ZNF280D: variants seen among roughly 807,000 people sequenced by gnomAD.
ZNF280D encodes the protein suppressor of hairy wing homolog 4.
ZNF280D carries 39 observed loss-of-function variants against 94.7 expected under a neutral mutation model. The observed-to-expected ratio is 0.41, with a 90% CI of 0.32 to 0.54. ZNF280D has a LOEUF of 0.54. ZNF280D is among the 20% of genes least tolerant of loss of function. The pLI is 0.22. For missense variants in ZNF280D, 1,090 were observed against 1,149.3 expected (o/e 0.95, Z 0.75); for synonymous variants, 398 against 377.6 (o/e 1.05, Z -0.63).
intron 9 of ZNF280D, among the ~76,000 whole-genome samples, chr15:56,686,510 A>G (rs1408358714): frequency 6.6e-6 from 1 of 152,204 alleles, no homozygotes; most frequent in African/African-American, 2.4e-5. Flanking sequence ...ACAAAATTGC[A>G]ATATATGAAA....
intron 6 of ZNF280D, 68 bp from the exon 7 acceptor site, chr15:56,693,283 A>G (rs1169174582): frequency 1.6e-5 from 7 of 443,786 alleles, no homozygotes; most frequent in Non-Finnish European, 2.1e-5. Flanking sequence ...ATATAATTAT[A>G]TATTATGTAA....
intron 13 of ZNF280D, among the ~76,000 whole-genome samples, chr15:56,673,131 G>A (rs1386508136): frequency 6.6e-6 from 1 of 151,970 alleles, no homozygotes; most frequent in Non-Finnish European, 1.5e-5. Context: ...CACTCAGTAG[G>A]TTACATCATC....
chr15:56,710,403 G>C lies in ZNF280D; in HGVS notation c.-85-3097C>G, dbSNP rs933134172. Among the ~76,000 whole-genome samples, 56 of 151,178 alleles carry C rather than the reference G, an allele frequency of 3.7e-4. 1 individual carries two copies. The highest frequency in any genetic ancestry group is 3.5e-3 in the Admixed American group (53 of 15,138). Reference sequence around the variant, plus strand: ...AGCCTGGGCAAGAGAGCAAGACTCTGTCTCTCGAAAAAATAAAATAAAATA... The same window carrying C: ...AGCCTGGGCAAGAGAGCAAGACTCTCTCTCTCGAAAAAATAAAATAAAATA... On this transcript the variant is annotated intron_variant, in intron 1 of 21. Coordinates refer to ENST00000267807, the MANE Select transcript of ZNF280D (RefSeq NM_017661.4).
At chr15:56,697,376 G>A (rs568772526) in intron 6 of ZNF280D, among the ~76,000 whole-genome samples, 12 of 152,230 alleles carry the variant, frequency 7.9e-5, no homozygotes, top group African/African-American at 2.9e-4. Flanking sequence ...GTAGAGACAG[G>A]GTTTTGCCCT....
At position 56,709,624 on chromosome 15, in the gene ZNF280D, G is replaced by A. The variant is rs200269951; in HGVS notation, c.-85-2318C>T. On this transcript the variant is annotated intron_variant, in intron 1 of 21. Transcript: ENST00000267807. ...GGAACCAACCCAAATGTCCATCAAC[G>A]ATAGATTGGATTAAGAAAATGTGGC... Among the ~76,000 whole-genome samples, 47 of 152,228 alleles carry A rather than the reference G, an allele frequency of 3.1e-4. No individual in the cohort carries two copies. The East Asian group carries it at 3.1e-3, about 10-fold the overall frequency.
At chr15:56,689,171 T>G in intron 8 of ZNF280D, 21 bp from the exon 9 acceptor site, 5 of 1,591,098 alleles carry the variant, frequency 3.1e-6, no homozygotes, top group Non-Finnish European at 4.3e-6. Context: ...TTCAGAACAT[T>G]TATGACTCAA....
At chr15:56,673,486 C>G (rs2055000835) in intron 13 of ZNF280D, among the ~76,000 whole-genome samples, 1 of 152,042 alleles carries the variant, frequency 6.6e-6, no homozygotes, top group African/African-American at 2.4e-5. Context: ...CATACTGGCC[C>G]AAGCCACTTA....
intron 20 of ZNF280D, among the ~76,000 whole-genome samples, chr15:56,637,428 G>C (rs2052406678): frequency 2.0e-5 from 3 of 151,840 alleles, no homozygotes; most frequent in East Asian, 3.9e-4. Context: ...GGATCCTCCT[G>C]CATTAGCTTC....
intron 13 of ZNF280D, among the ~76,000 whole-genome samples, chr15:56,676,429 C>G (rs144785303): frequency 0.036 from 5,542 of 152,164 alleles, 347 homozygotes; most frequent in Admixed American, 0.16. Context: ...TGTCAATCCT[C>G]AGCTTCCTAT....
chr15:56,716,168 G>C (rs1293378281), intron 1 of ZNF280D, among the ~76,000 whole-genome samples: 1 of 151,946 alleles, frequency 6.6e-6, no homozygotes, highest in East Asian at 1.9e-4. Flanking sequence ...GTGTCGGGTA[G>C]GAATACAATA....
At chr15:56,686,859 T>C (rs2056056097) in intron 9 of ZNF280D, among the ~76,000 whole-genome samples, 1 of 152,136 alleles carries the variant, frequency 6.6e-6, no homozygotes, top group African/African-American at 2.4e-5. Context: ...TTTCTAAGGA[T>C]TAATGAAATA....
chr15:56,669,900 ATAATATATATATAT>A lies in ZNF280D; in HGVS notation c.1411-957_1411-944del, dbSNP rs2054615749. 9.3e-4 allele frequency among the ~76,000 whole-genome samples: 7 copies of A among 7,508 alleles called. No homozygotes were observed. In the Admixed American group the frequency reaches 9.9e-3, roughly 11 times the overall value. The allele number at this position is 7,508 out of a possible 152,430, so 4.9% of individuals were successfully genotyped here. On this transcript the variant is annotated intron_variant, in intron 13 of 21. Coordinates refer to ENST00000267807, the MANE Select transcript of ZNF280D (RefSeq NM_017661.4). Reference sequence around the variant, plus strand: ...ATATATATATATATTATATATATATATAATATATATATATTATATATATATTATATATATATTAT... The same window carrying A: ...ATATATATATATATTATATATATATATATATATATATTATATATATATTAT...
At chr15:56,634,413 A>G (rs1291710522) in intron 21 of ZNF280D, among the ~76,000 whole-genome samples, 2 of 152,162 alleles carry the variant, frequency 1.3e-5, no homozygotes, top group Non-Finnish European at 2.9e-5. Context: ...CTAACTCCTT[A>G]GTTGATTTTT....
intron 9 of ZNF280D, 47 bp from the exon 10 acceptor site, chr15:56,682,524 A>T: frequency 7.9e-7 from 1 of 1,270,702 alleles, no homozygotes; most frequent in Non-Finnish European, 1.1e-6. Flanking sequence ...CTTATTCTTT[A>T]AAAAAACCAC....
chr15:56,700,524 T>G (rs2057000179), intron 6 of ZNF280D: 3 of 1,029,342 alleles, frequency 2.9e-6, no homozygotes, highest in African/African-American at 3.4e-5. Context: ...TTGTTTTTTT[T>G]TAACTAACTG....
At position 56,677,649 on chromosome 15, in the gene ZNF280D, T is replaced by C. The variant is rs900302742; in HGVS notation, c.1188A>G (p.Ser396=). 1 of 1,599,038 alleles carries C rather than the reference T, an allele frequency of 6.3e-7. No individual in the cohort carries two copies. Among genetic ancestry groups the C allele is most frequent in the Non-Finnish European group, 8.5e-7 (1 of 1,172,730 alleles). The change falls in exon 12 of 22, where the codon TCA becomes TCG. Residue 396 remains serine, a synonymous_variant. Transcript: ENST00000267807. ...FSTICKICEL[S]FETEHVLLQH... The stretch of plus-strand genomic sequence containing the variant: ...GTAAAAGAACATGTTCTGTTTCAAA[T>C]GACAATTCACAGATTTTACAAATAG...
chr15:56,685,955 C>T (rs770856968), intron 9 of ZNF280D, among the ~76,000 whole-genome samples: 7 of 151,926 alleles, frequency 4.6e-5, no homozygotes, highest in South Asian at 4.2e-4. Context: ...AAAAGGCACA[C>T]CTAAAACAAA....
At chr15:56,669,974 A>ATATT (rs1230973169) in intron 13 of ZNF280D, among the ~76,000 whole-genome samples, 4 of 780 alleles carry the variant, frequency 5.1e-3, no homozygotes, top group Admixed American at 0.019. Flanking sequence ...ATATATATAT[A>ATATT]ATATATATAT....
rs1451780434 is a variant in ZNF280D, at chr15:56,668,861, T to G, written c.1507A>C (p.Lys503Gln). The change falls in exon 14 of 22, where the codon AAA becomes CAA. Residue 503 changes from lysine (K) to glutamine (Q), a missense_variant. By Grantham distance (53) the Lys-to-Gln change is moderately conservative (BLOSUM62 1). Transcript: ENST00000267807. ...GGCAATCCTTCTAGTTGTTTAGGTT[T>G]TATAAATGTTCGATGGTGTTGAGTC... ...HKTQHHRTFI[K>Q]PKQLEGLPPG... 4.3e-6 allele frequency: 7 copies of G among 1,610,456 alleles called. No individual in the cohort carries two copies. Among genetic ancestry groups the G allele is most frequent in the Non-Finnish European group, 5.9e-6 (7 of 1,178,492 alleles).
Sources: gnomAD v4.1 joint callset for allele counts (sites outside exome capture counted in the v4.1 genomes callset) on GRCh38, gnomAD v4.1.1 for gene constraint, MANE v1.5 for transcripts, NCBI Gene and HGNC (gene_info 2026-07-23, HGNC 2026-07-21) for gene names.